COG6: variants seen among roughly 807,000 people sequenced by gnomAD.
The protein encoded by COG6 is conserved oligomeric Golgi complex subunit 6.
A neutral mutation model predicts 88.8 loss-of-function variants in COG6; 74 were observed. The ratio of observed to expected loss-of-function variants is 0.83; its 90% CI spans 0.69 to 1.01. The LOEUF (loss-of-function observed/expected upper bound fraction) is 1.01. Among genes scored for constraint, COG6 ranks in the 50% least tolerant of loss-of-function variants. The pLI is 0.00. For synonymous variants in COG6, 286 were observed against 278.7 expected (o/e 1.03, Z -0.26); for missense variants, 800 against 797.9 (o/e 1.00, Z -0.03).
intron 18 of COG6, among the ~76,000 whole-genome samples, chr13:39,770,413 A>T (rs1274629365): frequency 3.3e-5 from 5 of 152,212 alleles, no homozygotes; most frequent in Non-Finnish European, 7.3e-5. Flanking sequence ...AGGTCCTCAA[A>T]GTTACATGTT....
At chr13:39,727,376 C>G (rs957203163) in intron 17 of COG6, 93 bp from the exon 18 acceptor site, 1 of 956,222 alleles carries the variant, frequency 1.0e-6, no homozygotes, top group Non-Finnish European at 1.7e-6. Context: ...GAATTTTTCT[C>G]AAGGATTTAA....
At chr13:39,762,392 A>G in intron 18 of COG6, among the ~76,000 whole-genome samples, 1 of 151,920 alleles carries the variant, frequency 6.6e-6, no homozygotes, top group East Asian at 1.9e-4. Context: ...GGATAGTCAG[A>G]GGTTGGTTAA....
Position 39,681,389 on chromosome 13 carries a change from T to C in COG6, c.695-782T>C, listed in dbSNP as rs185686077. ...TTTCATGTATGTCTTATCTCACTAG[T>C]TTTCTACTTCCTCAAAGGCATGGAC... On this transcript the variant is annotated intron_variant, in intron 7 of 18. Transcript: ENST00000455146. 3.8e-4 allele frequency among the ~76,000 whole-genome samples: 58 copies of C among 152,326 alleles called. 1 individual carries two copies. In the East Asian group the frequency reaches 4.6e-3, roughly 12 times the overall value.
intron 18 of COG6, among the ~76,000 whole-genome samples, chr13:39,739,746 A>G (rs1879950302): frequency 1.3e-5 from 2 of 152,176 alleles, no homozygotes; most frequent in Non-Finnish European, 2.9e-5. Context: ...CAATATATGC[A>G]TAGTTACTGT....
intron 18 of COG6, among the ~76,000 whole-genome samples, chr13:39,764,684 T>C (rs1881115458): frequency 6.6e-6 from 1 of 152,074 alleles, no homozygotes; most frequent in Admixed American, 6.5e-5. Flanking sequence ...TGGTTATTTT[T>C]ATATTACTGA....
rs1879196642 is a variant in COG6 at position 39,727,495 on chromosome 13, C to T, written c.1773C>T (p.Ala591=). ...TTCAGTTTGATCGTTATCTGTCAGCCCCAGACAACCTATTGATACCACAGC... is the reference window on the plus strand; with the variant it reads ...TTCAGTTTGATCGTTATCTGTCAGCTCCAGACAACCTATTGATACCACAGC... ...AMVQFDRYLS[A]PDNLLIPQLN... Residue 591 remains alanine, a synonymous_variant, in exon 18 of 19, where the codon GCC becomes GCT. Transcript: ENST00000455146. The T allele has an allele frequency of 6.2e-7, 1 of 1,612,914 alleles. No individual in the cohort carries two copies. Among genetic ancestry groups the T allele is most frequent in the African/African-American group, 1.3e-5 (1 of 74,828 alleles).
intron 18 of COG6, among the ~76,000 whole-genome samples, chr13:39,763,271 T>G (rs1039870192): frequency 6.6e-6 from 1 of 151,838 alleles, no homozygotes; most frequent in African/African-American, 2.4e-5. Context: ...ATTTTCTAAA[T>G]TGGCAAGCAC....
At chr13:39,704,931 T>C (rs1166615893) in intron 13 of COG6, among the ~76,000 whole-genome samples, 1 of 152,158 alleles carries the variant, frequency 6.6e-6, no homozygotes, top group African/African-American at 2.4e-5. Flanking sequence ...TGCGACCGTG[T>C]TATGATTCTC....
Position 39,719,257 on chromosome 13 carries a change from C to A in COG6, c.1306C>A (p.Leu436Ile). Reference sequence around the variant, plus strand: ...TTAGGTTGAACTCCCACCACCTGATCTTGGACCAAGTTCTGCACTAAATCA... The same window carrying A: ...TTAGGTTGAACTCCCACCACCTGATATTGGACCAAGTTCTGCACTAAATCA... Reference protein sequence around the residue: ...MDKVELPPPDLGPSSALNQTL... With the variant: ...MDKVELPPPDIGPSSALNQTL... The change falls in exon 14 of 19, where the codon CTT becomes ATT. Residue 436 changes from leucine to isoleucine, a missense_variant. Transcript: ENST00000455146. The A allele has an allele frequency of 1.2e-6, 2 of 1,612,758 alleles. No homozygotes were observed. Among genetic ancestry groups the A allele is most frequent in the Non-Finnish European group, 1.7e-6 (2 of 1,179,102 alleles).
At chr13:39,660,495 A>G (rs929105445) in intron 2 of COG6, among the ~76,000 whole-genome samples, 2 of 152,352 alleles carry the variant, frequency 1.3e-5, no homozygotes, top group Non-Finnish European at 2.9e-5. Flanking sequence ...CTGGCCAAAC[A>G]TAAGACTATT....
intron 18 of COG6, among the ~76,000 whole-genome samples, chr13:39,730,959 C>T (rs1314563665): frequency 3.3e-5 from 5 of 151,380 alleles, no homozygotes; most frequent in African/African-American, 1.2e-4. Flanking sequence ...GTAGTTGGGA[C>T]TACAGGTGCA....
intron 3 of COG6, 96 bp downstream of exon 3, chr13:39,660,977 TGTAG>T: frequency 1.3e-6 from 1 of 757,958 alleles, no homozygotes; most frequent in Non-Finnish European, 2.3e-6. Context: ...CATAATGCCC[TGTAG>T]GAAATTTGGG....
intron 18 of COG6, among the ~76,000 whole-genome samples, chr13:39,743,942 G>GT (rs935784986): frequency 6.6e-6 from 1 of 151,772 alleles, no homozygotes; most frequent in African/African-American, 2.4e-5. Flanking sequence ...TGCAAGGCTG[G>GT]TTTAACCTAT....
chr13:39,671,334 T>A (rs1875618495), intron 4 of COG6, among the ~76,000 whole-genome samples: 1 of 151,880 alleles, frequency 6.6e-6, no homozygotes, highest in Admixed American at 6.6e-5. Flanking sequence ...GATCAAATTT[T>A]CCCCACCAAT....
At position 39,687,550 on chromosome 13, in the gene COG6, G is replaced by A. The variant is rs752065178; in HGVS notation, c.836G>A (p.Arg279His). The A allele has an allele frequency of 7.4e-6, 12 of 1,612,946 alleles. No individual in the cohort carries two copies. The highest frequency in any genetic ancestry group is 3.3e-5 in the Admixed American group (2 of 59,934). ...ACAGCCAGAAGAAGTACAGTTGTTC[G>A]TGGATTTATTGATGCGCTCACAAGA... ...FGTARRSTVV[R>H]GFIDALTRGG... The change falls in exon 9 of 19, where the codon CGT (arginine) becomes CAT (histidine). Residue 279 changes from arginine to histidine, a missense_variant. By Grantham distance (29) the Arg-to-His change is conservative (BLOSUM62 0). Coordinates refer to ENST00000455146, the MANE Select transcript of COG6 (RefSeq NM_020751.3).
chr13:39,719,136 C>G (rs1466681917), intron 13 of COG6, 100 bp from the exon 14 acceptor site: 1 of 1,098,634 alleles, frequency 9.1e-7, no homozygotes, highest in Non-Finnish European at 1.3e-6. Context: ...TGAGTCTGTG[C>G]TTTATAACTT....
chr13:39,669,811 G>A (rs926687613), intron 4 of COG6, among the ~76,000 whole-genome samples: 5 of 152,166 alleles, frequency 3.3e-5, no homozygotes, highest in African/African-American at 1.2e-4. Context: ...CTTTTGGGAA[G>A]TGAAAATTTA....
At chr13:39,700,515 G>A (rs534857003) in intron 13 of COG6, among the ~76,000 whole-genome samples, 15 of 151,866 alleles carry the variant, frequency 9.9e-5, no homozygotes, top group Middle Eastern at 3.4e-3. Flanking sequence ...GTGTATTTCT[G>A]TTTGCATCAA....
intron 18 of COG6, among the ~76,000 whole-genome samples, chr13:39,762,156 T>C (rs1881035564): frequency 6.6e-6 from 1 of 151,950 alleles, no homozygotes; most frequent in Non-Finnish European, 1.5e-5. Flanking sequence ...ATGTGGCATA[T>C]ATACGCAGTG....
Sources: gnomAD v4.1 joint callset for allele counts (sites outside exome capture counted in the v4.1 genomes callset) on GRCh38, gnomAD v4.1.1 for gene constraint, MANE v1.5 for transcripts, NCBI Gene and HGNC (gene_info 2026-07-23, HGNC 2026-07-21) for gene names.